Variants in ZNG1A observed in about 807,000 individuals in gnomAD.
The protein encoded by ZNG1A is zinc-regulated GTPase metalloprotein activator 1A.
At chr9:142,431 C>G in the ZNG1A span, among the ~76,000 whole-genome samples, 1 of 112,890 alleles carries the variant, frequency 8.9e-6, no homozygotes, top group Non-Finnish European at 1.7e-5. Flanking sequence ...ACAACCTGCT[C>G]CTGAATGACT....
At chr9:155,842 T>A in the ZNG1A span, among the ~76,000 whole-genome samples, 1 of 150,420 alleles carries the variant, frequency 6.6e-6, no homozygotes, top group East Asian at 1.9e-4. Flanking sequence ...AGTGGATTCA[T>A]GCCTGTAATC....
the ZNG1A span, among the ~76,000 whole-genome samples, chr9:127,656 G>A: frequency 1.3e-5 from 2 of 151,810 alleles, no homozygotes; most frequent in Admixed American, 1.3e-4. Context: ...CTTTTAAGTG[G>A]AGCATTTAGG....
chr9:138,977 G>A, the ZNG1A span, among the ~76,000 whole-genome samples: 1 of 149,178 alleles, frequency 6.7e-6, no homozygotes, highest in Non-Finnish European at 1.5e-5. Flanking sequence ...CACCCACTAT[G>A]CCTACCCTTA....
At chr9:139,232 G>T in the ZNG1A span, among the ~76,000 whole-genome samples, 112 of 149,894 alleles carry the variant, frequency 7.5e-4, no homozygotes, top group Non-Finnish European at 1.3e-3. Context: ...GATGAACCTT[G>T]ATGACTTTAC....
the ZNG1A span, among the ~76,000 whole-genome samples, chr9:161,331 G>C: frequency 6.6e-6 from 1 of 151,816 alleles, no homozygotes. Flanking sequence ...AGCTGGGCAT[G>C]GTGGTGTGCA....
chr9:174,605 AT>A, the ZNG1A span, among the ~76,000 whole-genome samples: 1 of 151,428 alleles, frequency 6.6e-6, no homozygotes, highest in East Asian at 1.9e-4. Flanking sequence ...AAATCTCAGG[AT>A]TTTTGCCTAA....
At chr9:137,475 C>G in the ZNG1A span, among the ~76,000 whole-genome samples, 1 of 151,844 alleles carries the variant, frequency 6.6e-6, no homozygotes, top group Non-Finnish European at 1.5e-5. Flanking sequence ...AAACTGCCCA[C>G]AGCATCAAAT....
chr9:139,990 C>G, the ZNG1A span, among the ~76,000 whole-genome samples: 2 of 150,652 alleles, frequency 1.3e-5, no homozygotes, highest in African/African-American at 4.9e-5. Context: ...GATTATATCC[C>G]GCACCTGGCT....
At chr9:127,877 T>TGC in the ZNG1A span, among the ~76,000 whole-genome samples, 1 of 152,284 alleles carries the variant, frequency 6.6e-6, no homozygotes, top group Admixed American at 6.5e-5. Flanking sequence ...TTAGCATTCT[T>TGC]GCACTGGTGG....
the ZNG1A span, among the ~76,000 whole-genome samples, chr9:128,069 G>T: frequency 1.3e-5 from 2 of 152,048 alleles, no homozygotes; most frequent in African/African-American, 2.4e-5. Context: ...TGTTAATCTG[G>T]TAAGTTTTCC....
At chr9:144,393 A>G in the ZNG1A span, among the ~76,000 whole-genome samples, 13 of 149,850 alleles carry the variant, frequency 8.7e-5, no homozygotes, top group South Asian at 2.1e-4. Flanking sequence ...ATAACGCCGC[A>G]TATCTACAAC....
At chr9:132,352 TA>T in the ZNG1A span, among the ~76,000 whole-genome samples, 10 of 91,176 alleles carry the variant, frequency 1.1e-4, no homozygotes, top group Admixed American at 3.5e-4. Flanking sequence ...CCATCTCTAC[TA>T]AAAAAAAAAA....
chr9:140,766 CA>C, the ZNG1A span, among the ~76,000 whole-genome samples: 1 of 151,624 alleles, frequency 6.6e-6, no homozygotes, highest in African/African-American at 2.4e-5. Context: ...ACATTCAAAC[CA>C]AAGGCAAAGA....
chr9:125,423 T>TG, the ZNG1A span, among the ~76,000 whole-genome samples: 1 of 148,468 alleles, frequency 6.7e-6, no homozygotes, highest in African/African-American at 2.5e-5. Flanking sequence ...GCTGATTTGT[T>TG]GGAGTTCATT....
At chr9:145,178 C>G in the ZNG1A span, among the ~76,000 whole-genome samples, 1 of 151,292 alleles carries the variant, frequency 6.6e-6, no homozygotes, top group South Asian at 2.1e-4. Context: ...ACCATTTGAC[C>G]CAGCCATCCC....
the ZNG1A span, among the ~76,000 whole-genome samples, chr9:158,771 T>C: frequency 6.6e-6 from 1 of 151,692 alleles, no homozygotes; most frequent in African/African-American, 2.4e-5. Flanking sequence ...AAATTATATG[T>C]AATCATATAC....
the ZNG1A span, among the ~76,000 whole-genome samples, chr9:127,740 CTTGT>C: frequency 1.3e-5 from 2 of 152,134 alleles, no homozygotes; most frequent in African/African-American, 4.8e-5. Flanking sequence ...GCCTGTATAC[CTTGT>C]TTTTCTGGTT....
At chr9:168,892 T>C in the ZNG1A span, among the ~76,000 whole-genome samples, 1 of 152,066 alleles carries the variant, frequency 6.6e-6, no homozygotes, top group Non-Finnish European at 1.5e-5. Flanking sequence ...TTCAAAATAT[T>C]ATTGCTCATT....
the ZNG1A span, chr9:175,710 C>G: frequency 6.3e-7 from 1 of 1,585,660 alleles, no homozygotes; most frequent in South Asian, 1.1e-5. Flanking sequence ...TCCCCAAATT[C>G]ATTTAAAATG....
Sources: gnomAD v4.1 joint callset for allele counts (sites outside exome capture counted in the v4.1 genomes callset) on GRCh38, gnomAD v4.1.1 for gene constraint, MANE v1.5 for transcripts, NCBI Gene and HGNC (gene_info 2026-07-23, HGNC 2026-07-21) for gene names.